Variants in GYPE observed in about 807,000 individuals in gnomAD.
The protein encoded by GYPE is glycophorin E (MNS blood group), also known as glycophorin-E.
A neutral mutation model predicts 11.6 loss-of-function variants in GYPE; 8 were observed. The ratio of observed to expected loss-of-function variants is 0.69; its 90% CI spans 0.41 to 1.25. GYPE has a LOEUF of 1.25. GYPE is among the 50% of genes most tolerant of loss of function. The pLI is 0.01. For missense variants in GYPE, 90 were observed against 92.8 expected, an observed-to-expected ratio of 0.97 and a Z score of 0.12; for synonymous variants, 28 against 29.6, an observed-to-expected ratio of 0.94 and a Z score of 0.18.
At chr4:143,876,903 T>C (rs753578000) in intron 2 of GYPE, 48 bp from the exon 3 acceptor site, 3 of 1,013,414 alleles carry the variant, frequency 3.0e-6, no homozygotes, top group Middle Eastern at 4.0e-4. Flanking sequence ...CTGAAATAAA[T>C]GACCACATCC....
intron 1 of GYPE, among the ~76,000 whole-genome samples, chr4:143,895,944 G>A (rs990035966): frequency 2.0e-5 from 3 of 151,812 alleles, no homozygotes; most frequent in African/African-American, 7.3e-5. Flanking sequence ...TGGGAAAACT[G>A]GCTAGCCATA....
At chr4:143,904,746 A>G (rs1427695043) in intron 1 of GYPE, among the ~76,000 whole-genome samples, 1 of 152,204 alleles carries the variant, frequency 6.6e-6, no homozygotes, top group Non-Finnish European at 1.5e-5. Context: ...CTAACACATA[A>G]GCACTGCACT....
chr4:143,879,367 T>C (rs1743935529), intron 2 of GYPE, among the ~76,000 whole-genome samples: 1 of 152,190 alleles, frequency 6.6e-6, no homozygotes, highest in African/African-American at 2.4e-5. Flanking sequence ...TACTACGTTG[T>C]TTGATGATTG....
At chr4:143,893,485 A>C (rs1431846539) in intron 1 of GYPE, among the ~76,000 whole-genome samples, 1 of 150,794 alleles carries the variant, frequency 6.6e-6, no homozygotes, top group Non-Finnish European at 1.5e-5. Flanking sequence ...TTCCTTCAGG[A>C]GCTCTTTTAG....
chr4:143,873,477 T>C, intron 3 of GYPE: 1 of 455,666 alleles, frequency 2.2e-6, no homozygotes, highest in Non-Finnish European at 4.4e-6. Flanking sequence ...TAACACAACC[T>C]ACAAGAGAGA....
intron 2 of GYPE, among the ~76,000 whole-genome samples, chr4:143,877,812 G>A (rs1171162006): frequency 0.041 from 4,610 of 111,238 alleles, 54 homozygotes; most frequent in African/African-American, 0.07. Flanking sequence ...TAGCAAATGA[G>A]CACACACAGT....
intron 1 of GYPE, among the ~76,000 whole-genome samples, chr4:143,896,183 T>G (rs1368749379): frequency 2.0e-5 from 3 of 152,202 alleles, no homozygotes; most frequent in Admixed American, 6.5e-5. Context: ...AAAGAGCTTC[T>G]GCACAGCAAA....
intron 1 of GYPE, among the ~76,000 whole-genome samples, chr4:143,894,349 G>A (rs1053911605): frequency 4.6e-5 from 7 of 152,112 alleles, no homozygotes; most frequent in Non-Finnish European, 8.8e-5. Flanking sequence ...TCCGTTGCTC[G>A]AGAGGAACTG....
chr4:143,876,904 G>T, intron 2 of GYPE, 49 bp from the exon 3 acceptor site: 2 of 1,004,626 alleles, frequency 2.0e-6, no homozygotes, highest in South Asian at 2.6e-5. Context: ...TGAAATAAAT[G>T]ACCACATCCA....
At chr4:143,873,688 C>T (rs962020084) in intron 3 of GYPE, among the ~76,000 whole-genome samples, 26 of 152,090 alleles carry the variant, frequency 1.7e-4, no homozygotes, top group African/African-American at 4.3e-4. Context: ...GAACTCTAGT[C>T]ATAAAATTTG....
intron 1 of GYPE, among the ~76,000 whole-genome samples, chr4:143,883,782 A>G (rs1744147381): frequency 6.6e-6 from 1 of 151,760 alleles, no homozygotes; most frequent in African/African-American, 2.4e-5. Flanking sequence ...GACCAATGAA[A>G]TATTTTCAAC....
intron 2 of GYPE, chr4:143,878,687 G>A (rs3775246): frequency 0.26 from 126,566 of 490,596 alleles, 17,140 homozygotes; most frequent in East Asian, 0.38. Context: ...CCTATAAAGC[G>A]AAATTTCAAT....
At chr4:143,879,257 T>C (rs1743930295) in intron 2 of GYPE, among the ~76,000 whole-genome samples, 1 of 152,184 alleles carries the variant, frequency 6.6e-6, no homozygotes, top group Admixed American at 6.5e-5. Flanking sequence ...ACATCTTACT[T>C]ATGTCTCTGT....
chr4:143,882,529 T>C (rs1445732121), intron 1 of GYPE, among the ~76,000 whole-genome samples: 2 of 152,092 alleles, frequency 1.3e-5, no homozygotes, highest in African/African-American at 4.8e-5. Context: ...GTTATGAAAA[T>C]AGCTAATAAA....
intron 3 of GYPE, 38 bp from the exon 4 acceptor site, chr4:143,872,290 A>G (rs1315416620): frequency 6.6e-6 from 1 of 152,608 alleles, no homozygotes; most frequent in East Asian, 1.9e-4. Flanking sequence ...TTTCATTTAC[A>G]TATAAGATTG....
rs181148700 is a variant in GYPE, at chr4:143,873,213, A to G, written c.*10-961T>C. The G allele has an allele frequency of 2.9e-3, 807 of 273,828 alleles. 9 individuals carry two copies. Among genetic ancestry groups the G allele is most frequent in the African/African-American group, 0.017 (783 of 45,590 alleles). The allele number at this position is 273,828 out of a possible 1,614,324, so 17.0% of individuals were successfully genotyped here. A position where few individuals can be genotyped will look rare whatever the true frequency, so the allele number is the denominator to read the frequency against. ...AATATTCAGAGATGGGGATACTTTA[A>G]TCTGAGGACATTAAAATATACAGCA... On this transcript the variant is annotated intron_variant, in intron 3 of 3. Coordinates refer to ENST00000358615, the MANE Select transcript of GYPE (RefSeq NM_198682.3).
chr4:143,895,438 C>T (rs2149913996), intron 1 of GYPE, among the ~76,000 whole-genome samples: 1 of 151,336 alleles, frequency 6.6e-6, no homozygotes, highest in African/African-American at 2.4e-5. Context: ...ACCTAGGAAT[C>T]CAACTTACAA....
chr4:143,876,720 A>G, intron 3 of GYPE, 26 bp downstream of exon 3: 1 of 1,233,452 alleles, frequency 8.1e-7, no homozygotes, highest in East Asian at 2.4e-5. Flanking sequence ...TGGTATTTAG[A>G]GCAAAATTAA....
chr4:143,894,563 G>A (rs1560948499), intron 1 of GYPE, among the ~76,000 whole-genome samples: 1 of 152,134 alleles, frequency 6.6e-6, no homozygotes, highest in East Asian at 1.9e-4. Flanking sequence ...GTCGGAGTTT[G>A]CTAGAGGTCC....
Sources: gnomAD v4.1 joint callset for allele counts (sites outside exome capture counted in the v4.1 genomes callset) on GRCh38, gnomAD v4.1.1 for gene constraint, MANE v1.5 for transcripts, NCBI Gene and HGNC (gene_info 2026-07-23, HGNC 2026-07-21) for gene names.